Variants in MRTFA observed in about 807,000 individuals in gnomAD.
The protein encoded by MRTFA is myocardin-related transcription factor A.
In MRTFA, 20 loss-of-function variants were observed where a neutral mutation model predicts 83.5. The observed-to-expected ratio is 0.24, with a 90% confidence interval of 0.17 to 0.35. The LOEUF (loss-of-function observed/expected upper bound fraction) is 0.35. MRTFA is among the 10% of genes least tolerant of loss of function. The pLI, the probability that MRTFA is intolerant of heterozygous loss-of-function variation, is 1.00. For synonymous variants in MRTFA, 659 were observed against 541.2 expected (o/e 1.22, Z -3.02); for missense variants, 1,200 against 1,224.7 (o/e 0.98, Z 0.30).
intron 14 of MRTFA, among the ~76,000 whole-genome samples, chr22:40,414,623 C>CAG (rs1308326667): frequency 1.3e-5 from 2 of 152,158 alleles, no homozygotes; most frequent in African/African-American, 4.8e-5. Flanking sequence ...AAGCCAGACA[C>CAG]AGAAGGACAA....
Position 40,419,473 on chromosome 22 carries a change from C to T in MRTFA, c.1354-89G>A, listed in dbSNP as rs151171450. ...AGAAGGGCAGTCTGGGCCCCATGGG[C>T]CACTGCAGATGCATCAACTACCCTA... On this transcript the variant is annotated intron_variant, in intron 11 of 14. Transcript: ENST00000355630. The T allele has an allele frequency of 2.0e-4, 240 of 1,224,584 alleles. No individual in the cohort carries two copies. The African/African-American group carries it at 3.1e-3, about 16-fold the overall frequency. 75.9% of individuals were successfully genotyped at this position (1,224,584 alleles called of 1,614,324 possible).
intron 3 of MRTFA, among the ~76,000 whole-genome samples, chr22:40,509,464 CCGAAAGA>C (rs1404052615): frequency 6.6e-6 from 1 of 152,202 alleles, no homozygotes; most frequent in Non-Finnish European, 1.5e-5. Flanking sequence ...CTCCCCATAG[CCGAAAGA>C]GGTTTGCCTC....
At chr22:40,446,742 T>A (rs1335983815) in intron 4 of MRTFA, among the ~76,000 whole-genome samples, 2 of 152,104 alleles carry the variant, frequency 1.3e-5, no homozygotes, top group Non-Finnish European at 2.9e-5. Context: ...TGCAACAGAT[T>A]AAAGAGTGAA....
At chr22:40,490,682 G>C (rs988551311) in intron 3 of MRTFA, among the ~76,000 whole-genome samples, 1 of 151,830 alleles carries the variant, frequency 6.6e-6, no homozygotes, top group Non-Finnish European at 1.5e-5. Flanking sequence ...TCTCGTCTTC[G>C]ATGTGTCCAT....
intron 1 of MRTFA, among the ~76,000 whole-genome samples, chr22:40,602,677 T>TA (rs133031): frequency 0.031 from 4,001 of 128,756 alleles, 212 homozygotes; most frequent in East Asian, 0.26. Flanking sequence ...CATCTCCACT[T>TA]AAAAAAAAAA....
intron 2 of MRTFA, among the ~76,000 whole-genome samples, chr22:40,592,442 C>T (rs1327326749): frequency 2.0e-5 from 3 of 150,746 alleles, no homozygotes; most frequent in Non-Finnish European, 3.0e-5. Flanking sequence ...AAATCAAGAC[C>T]CTGTCTCTTA....
At chr22:40,628,670 C>A (rs2056607276) in intron 1 of MRTFA, among the ~76,000 whole-genome samples, 1 of 151,674 alleles carries the variant, frequency 6.6e-6, no homozygotes, top group South Asian at 2.1e-4. Flanking sequence ...AAAAAAAAGA[C>A]ATTTTCACAA....
At chr22:40,556,582 A>C (rs1486103173) in intron 2 of MRTFA, among the ~76,000 whole-genome samples, 1 of 152,232 alleles carries the variant, frequency 6.6e-6, no homozygotes, top group African/African-American at 2.4e-5. Flanking sequence ...GTAATTGAGC[A>C]TGGGCAAACA....
intron 1 of MRTFA, among the ~76,000 whole-genome samples, chr22:40,619,630 C>T (rs752388230): frequency 6.6e-6 from 1 of 152,046 alleles, no homozygotes; most frequent in Admixed American, 6.6e-5. Context: ...TGGCTCACAC[C>T]TGTAACCCCA....
At chr22:40,415,271 C>T (rs1270164904) in intron 14 of MRTFA, 2 of 152,674 alleles carry the variant, frequency 1.3e-5, no homozygotes, top group Non-Finnish European at 2.9e-5. Context: ...CCAGCCCAGC[C>T]GTCCTCACAG....
intron 2 of MRTFA, chr22:40,587,372 T>C: frequency 2.5e-6 from 1 of 395,456 alleles, no homozygotes; most frequent in Admixed American, 3.3e-5. Context: ...AATACAATCA[T>C]CTTCATTAGA....
intron 3 of MRTFA, among the ~76,000 whole-genome samples, chr22:40,530,425 T>C (rs1297557879): frequency 6.6e-6 from 1 of 152,210 alleles, no homozygotes; most frequent in Admixed American, 6.5e-5. Flanking sequence ...GCCCCCCAAG[T>C]AGCTGGGACT....
chr22:40,423,423 G>GGA, intron 9 of MRTFA, 113 bp downstream of exon 9: 1 of 1,004,030 alleles, frequency 1.0e-6, no homozygotes, highest in Non-Finnish European at 1.4e-6. Flanking sequence ...CAGACCAATG[G>GGA]GAGAAGACAC....
intron 3 of MRTFA, among the ~76,000 whole-genome samples, chr22:40,468,179 G>C (rs2053839940): frequency 6.6e-6 from 1 of 152,192 alleles, no homozygotes; most frequent in Admixed American, 6.5e-5. Flanking sequence ...AGGATTCGAG[G>C]GGTAATACCC....
At chr22:40,429,202 G>A (rs1291357598) in intron 7 of MRTFA, 4 of 572,404 alleles carry the variant, frequency 7.0e-6, no homozygotes, top group South Asian at 2.1e-5. Context: ...TGAAATATCC[G>A]TGGAAAGGGC....
chr22:40,451,098 T>C (rs77521957), intron 4 of MRTFA, among the ~76,000 whole-genome samples: 7,472 of 152,360 alleles, frequency 0.049, 252 homozygotes, highest in South Asian at 0.081. Flanking sequence ...TGTAGCTTTT[T>C]TCCTTTATTA....
At chr22:40,551,526 C>A (rs1013010141) in intron 3 of MRTFA, among the ~76,000 whole-genome samples, 6 of 152,046 alleles carry the variant, frequency 3.9e-5, no homozygotes, top group Non-Finnish European at 8.8e-5. Flanking sequence ...TGCCACCAAG[C>A]CCAGCTAATT....
In MRTFA at chr22:40,417,510, G is replaced by T; in HGVS notation, c.2365-17C>A. ...GGACGAGGGCTGGACAGGAGAGCAG[G>T]GAGAGGACCAGTGGCCAGGGGGCTG... On this transcript the variant is annotated splice_polypyrimidine_tract_variant and intron_variant, in intron 12 of 14. Transcript: ENST00000355630. 1 of 1,409,476 alleles carries T rather than the reference G, an allele frequency of 7.1e-7. No homozygotes were observed. The highest frequency in any genetic ancestry group is 3.4e-5 in the East Asian group (1 of 29,126). 87.3% of individuals were successfully genotyped at this position (1,409,476 alleles called of 1,614,324 possible). A position where few individuals can be genotyped will look rare whatever the true frequency, so the allele number is the denominator to read the frequency against.
At chr22:40,540,282 C>T (rs754809341) in intron 3 of MRTFA, among the ~76,000 whole-genome samples, 56 of 152,156 alleles carry the variant, frequency 3.7e-4, no homozygotes, top group Non-Finnish European at 6.0e-4. Flanking sequence ...TCCTCCTCTT[C>T]GGCCTTGTTT....
Sources: allele counts gnomAD v4.1 joint callset (sites outside exome capture counted in the v4.1 genomes callset), GRCh38; gene constraint gnomAD v4.1.1; transcripts MANE v1.5; gene names NCBI Gene and HGNC (gene_info 2026-07-23, HGNC 2026-07-21).